The following RERE variants were observed in gnomAD, a reference collection of about 807,000 sequenced individuals.
RERE encodes arginine-glutamic acid dipeptide repeats.
A neutral mutation model predicts 146.1 loss-of-function variants in RERE; 40 were observed. The ratio of observed to expected loss-of-function variants is 0.27; its 90% confidence interval spans 0.21 to 0.36. The LOEUF (loss-of-function observed/expected upper bound fraction) is 0.36, where lower values mean the gene tolerates loss of function less well. Ranked by LOEUF, RERE falls within the 10% of genes least tolerant of loss-of-function variation. RERE has a pLI of 1.00. For synonymous variants in RERE, 1,003 were observed against 866.0 expected (o/e 1.16, Z -2.78); for missense variants, 1,933 against 2,138.7 (o/e 0.90, Z 1.90).
intron 1 of RERE, among the ~76,000 whole-genome samples, chr1:8,671,829 T>C (rs140379290): frequency 2.6e-5 from 4 of 152,184 alleles, no homozygotes; most frequent in African/African-American, 7.2e-5. Flanking sequence ...ATAATTCAAA[T>C]AGAGCAACAT....
At chr1:8,795,969 C>A (rs1224515429) in intron 1 of RERE, among the ~76,000 whole-genome samples, 1 of 101,424 alleles carries the variant, frequency 9.9e-6, no homozygotes. Flanking sequence ...GCAACAAGAA[C>A]GAAACTCCGT....
At chr1:8,752,700 T>C (rs1055562431) in intron 1 of RERE, among the ~76,000 whole-genome samples, 3 of 152,214 alleles carry the variant, frequency 2.0e-5, no homozygotes, top group Non-Finnish European at 4.4e-5. Context: ...AATGAAGCTA[T>C]TGCCTTTGTA....
intron 1 of RERE, among the ~76,000 whole-genome samples, chr1:8,699,478 G>A (rs1362624534): frequency 6.6e-6 from 1 of 152,160 alleles, no homozygotes; most frequent in Non-Finnish European, 1.5e-5. Flanking sequence ...AAATATTTAA[G>A]TATGTCAACT....
chr1:8,661,936 G>A (rs868148261), intron 1 of RERE, among the ~76,000 whole-genome samples: 15 of 152,224 alleles, frequency 9.9e-5, no homozygotes, highest in Admixed American at 9.8e-4. Context: ...GCTCACGCTT[G>A]AGTGCAGAGG....
intron 1 of RERE, among the ~76,000 whole-genome samples, chr1:8,694,457 C>T (rs1165202996): frequency 6.6e-6 from 1 of 152,120 alleles, no homozygotes; most frequent in Non-Finnish European, 1.5e-5. Context: ...CTAAAACACA[C>T]TGCTAGAAGA....
intron 12 of RERE, among the ~76,000 whole-genome samples, chr1:8,384,490 A>G (rs1642573606): frequency 6.6e-6 from 1 of 152,234 alleles, no homozygotes; most frequent in Admixed American, 6.5e-5. Context: ...TCATTTAAAC[A>G]GTGCTCTCAT....
intron 1 of RERE, among the ~76,000 whole-genome samples, chr1:8,749,494 C>T (rs1324011147): frequency 1.3e-5 from 2 of 150,488 alleles, no homozygotes; most frequent in Non-Finnish European, 2.9e-5. Context: ...CAGGGAGGGC[C>T]TCCCTAAGGA....
chr1:8,430,768 T>C (rs994429417), intron 11 of RERE, among the ~76,000 whole-genome samples: 4 of 152,218 alleles, frequency 2.6e-5, no homozygotes, highest in Admixed American at 2.6e-4. Context: ...ATTGCCACAG[T>C]ACACTCTCCA....
chr1:8,814,713 A>C (rs1557559292), intron 1 of RERE, among the ~76,000 whole-genome samples: 1 of 152,194 alleles, frequency 6.6e-6, no homozygotes, highest in Non-Finnish European at 1.5e-5. Context: ...GATACTAAAA[A>C]CTTTTTTAAA....
intron 12 of RERE, among the ~76,000 whole-genome samples, chr1:8,375,917 T>A (rs1364580134): frequency 2.0e-5 from 3 of 152,270 alleles, no homozygotes; most frequent in Non-Finnish European, 4.4e-5. Context: ...TATATCTTAA[T>A]ATATATTTAT....
chr1:8,619,192 T>C (rs1646889474), intron 3 of RERE, among the ~76,000 whole-genome samples: 1 of 152,198 alleles, frequency 6.6e-6, no homozygotes, highest in South Asian at 2.1e-4. Flanking sequence ...GAAAGTAGGC[T>C]GTTAGGGACA....
intron 1 of RERE, among the ~76,000 whole-genome samples, chr1:8,774,947 CTTTCTTTTTTTTTTTTTTTT>C (rs1641034500): frequency 9.0e-6 from 1 of 111,498 alleles, no homozygotes; most frequent in Non-Finnish European, 1.8e-5. Flanking sequence ...TTTCTTCTTT[CTTTCTTTTTTTTTTTTTTTT>C]TTTTTTTTTT....
intron 1 of RERE, among the ~76,000 whole-genome samples, chr1:8,699,322 A>C (rs949132925): frequency 2.6e-5 from 4 of 152,168 alleles, no homozygotes; most frequent in Admixed American, 2.0e-4. Context: ...AATAGAACTC[A>C]AACTCAGACA....
chr1:8,521,549 G>A (rs1488596743), intron 7 of RERE, among the ~76,000 whole-genome samples: 1 of 152,126 alleles, frequency 6.6e-6, no homozygotes, highest in East Asian at 1.9e-4. Context: ...GCTTGAGACT[G>A]TACATTTGAC....
chr1:8,463,677 G>A (rs947172494), intron 11 of RERE, among the ~76,000 whole-genome samples: 2 of 152,194 alleles, frequency 1.3e-5, no homozygotes, highest in East Asian at 3.8e-4. Context: ...GCTAGCGAGG[G>A]GCTGGGAGGC....
At chr1:8,464,879 G>C (rs1202985748) in intron 11 of RERE, 1 of 152,106 alleles carries the variant, frequency 6.6e-6, no homozygotes, top group Non-Finnish European at 1.5e-5. Flanking sequence ...TAAAACTTAA[G>C]ACTCCCAAGG....
At chr1:8,499,328 A>G (rs1418548896) in intron 8 of RERE, among the ~76,000 whole-genome samples, 1 of 152,226 alleles carries the variant, frequency 6.6e-6, no homozygotes, top group Admixed American at 6.5e-5. Flanking sequence ...GTCACGTTAA[A>G]CAAAATGCCA....
intron 2 of RERE, among the ~76,000 whole-genome samples, chr1:8,632,500 G>A (rs976964307): frequency 1.3e-5 from 2 of 152,064 alleles, no homozygotes; most frequent in African/African-American, 4.8e-5. Flanking sequence ...TTCTTTACAG[G>A]TTTTCTGCTA....
chr1:8,562,330 TGG>T (rs1646088330), intron 4 of RERE, among the ~76,000 whole-genome samples: 5 of 152,166 alleles, frequency 3.3e-5, no homozygotes, highest in Non-Finnish European at 7.3e-5. Flanking sequence ...AATTTAACAA[TGG>T]CATAAATGTC....
Sources: allele counts gnomAD v4.1 joint callset (sites outside exome capture counted in the v4.1 genomes callset), GRCh38; gene constraint gnomAD v4.1.1; transcripts MANE v1.5; gene names NCBI Gene and HGNC (gene_info 2026-07-23, HGNC 2026-07-21).